Variants in PRKN observed in about 807,000 individuals in gnomAD.
The protein encoded by PRKN is parkin RBR E3 ubiquitin protein ligase, also known as E3 ubiquitin-protein ligase parkin.
A neutral mutation model predicts 59.5 loss-of-function variants in PRKN; 56 were observed. The ratio of observed to expected loss-of-function variants is 0.94; its 90% CI spans 0.76 to 1.18. PRKN has a LOEUF of 1.18. Among genes scored for constraint, PRKN ranks in the 50% most tolerant of loss-of-function variants. The pLI is 0.00. For missense variants in PRKN, 657 were observed against 596.4 expected (o/e 1.10, Z -1.06); for synonymous variants, 250 against 222.1 (o/e 1.13, Z -1.12).
chr6:162,420,627 G>C (rs1278002188), intron 2 of PRKN, among the ~76,000 whole-genome samples: 2 of 152,140 alleles, frequency 1.3e-5, no homozygotes, highest in South Asian at 4.2e-4. Flanking sequence ...ATGTTCTGAG[G>C]AGTAATATGG....
chr6:161,432,815 T>A (rs1365201710), intron 9 of PRKN, among the ~76,000 whole-genome samples: 1 of 152,186 alleles, frequency 6.6e-6, no homozygotes, highest in Admixed American at 6.5e-5. Context: ...TATCAAGAGA[T>A]GCTTTACTGG....
intron 7 of PRKN, among the ~76,000 whole-genome samples, chr6:161,704,518 G>A (rs369348081): frequency 6.6e-6 from 1 of 152,006 alleles, no homozygotes; most frequent in African/African-American, 2.4e-5. Context: ...TCTGGGATTC[G>A]TTTCGTGCCC....
At chr6:162,266,209 C>G (rs993833542) in intron 2 of PRKN, among the ~76,000 whole-genome samples, 3 of 152,048 alleles carry the variant, frequency 2.0e-5, no homozygotes, top group Non-Finnish European at 4.4e-5. Flanking sequence ...AAAAGTAACA[C>G]CTTTCTCCCT....
At chr6:162,211,752 T>C (rs1785206245) in intron 3 of PRKN, among the ~76,000 whole-genome samples, 2 of 152,208 alleles carry the variant, frequency 1.3e-5, no homozygotes, top group South Asian at 4.1e-4. Flanking sequence ...CAAATTTCGA[T>C]GCTTTAAGCA....
intron 1 of PRKN, among the ~76,000 whole-genome samples, chr6:162,461,693 T>C (rs1583612526): frequency 6.6e-6 from 1 of 150,936 alleles, no homozygotes; most frequent in African/African-American, 2.4e-5. Flanking sequence ...TGGTGGTGCG[T>C]TCCTGTAACC....
intron 5 of PRKN, among the ~76,000 whole-genome samples, chr6:161,992,987 C>T (rs1781710595): frequency 6.6e-6 from 1 of 151,968 alleles, no homozygotes; most frequent in Non-Finnish European, 1.5e-5. Flanking sequence ...TAGCAATAAA[C>T]ACCTACATCA....
rs12194727 is a variant in PRKN at position 161,373,807 on chromosome 6, C to T, written c.1167+12987G>A. Among the ~76,000 whole-genome samples the T allele has an allele frequency of 0.17, 26,129 of 152,010 alleles. 2,371 individuals carry two copies. Among genetic ancestry groups the T allele is most frequent in the South Asian group, 0.28 (1,360 of 4,812 alleles). On this transcript the variant is annotated intron_variant, in intron 10 of 11. Coordinates refer to ENST00000366898, the MANE Select transcript of PRKN (RefSeq NM_004562.3). The surrounding 1 kb of genome is among the most constrained non-coding windows in gnomAD (Gnocchi z 4.8). ...AATATTTTGTCCCCCCTGCCAGCCC[C>T]GTTTTTAATGAAGGAATTATGGGGG...
intron 5 of PRKN, among the ~76,000 whole-genome samples, chr6:161,978,005 GTTATTTTATTGTATT>G (rs1423811641): frequency 0.011 from 1,624 of 149,322 alleles, 25 homozygotes; most frequent in African/African-American, 0.033. Context: ...CTAATTTGCA[GTTATTTTATTGTATT>G]TTATTTTATT....
chr6:162,235,515 A>G (rs1378287515), intron 3 of PRKN, among the ~76,000 whole-genome samples: 1 of 152,158 alleles, frequency 6.6e-6, no homozygotes. Context: ...AATTAAAGAA[A>G]TACTCCTCAT....
At chr6:162,319,152 C>A (rs974501612) in intron 2 of PRKN, among the ~76,000 whole-genome samples, 10 of 151,766 alleles carry the variant, frequency 6.6e-5, no homozygotes, top group Admixed American at 1.3e-4. Flanking sequence ...AAATAAGAAA[C>A]AAACATATTT....
intron 1 of PRKN, among the ~76,000 whole-genome samples, chr6:162,721,210 C>T (rs1476030134): frequency 6.6e-6 from 1 of 152,172 alleles, no homozygotes; most frequent in African/African-American, 2.4e-5. Flanking sequence ...TTTATAAACG[C>T]TTGTTCTCCG....
In PRKN at chr6:161,397,572, A is replaced by G. The variant is rs548870779; in HGVS notation, c.1084-10695T>C. Among the ~76,000 whole-genome samples the G allele has an allele frequency of 5.6e-4, 85 of 152,320 alleles. No homozygotes were observed. Among genetic ancestry groups the G allele is most frequent in the South Asian group, 2.1e-3 (10 of 4,826 alleles). The stretch of plus-strand genomic sequence containing the variant: ...TCCTCTTTTAAGATGCACTTTGCCT[A>G]TTGCATATTTCCATTTGGATAGGTT... On this transcript the variant is annotated intron_variant, in intron 9 of 11. Coordinates refer to ENST00000366898, the MANE Select transcript of PRKN (RefSeq NM_004562.3). The surrounding 1 kb of genome is among the most constrained non-coding windows in gnomAD (Gnocchi z 4.2).
intron 9 of PRKN, among the ~76,000 whole-genome samples, chr6:161,534,407 C>T (rs1779335249): frequency 6.6e-6 from 1 of 152,146 alleles, no homozygotes; most frequent in Non-Finnish European, 1.5e-5. Flanking sequence ...ATGCAGGCAT[C>T]GTTGCTGAGG....
chr6:161,394,579 C>T (rs1786664645), intron 9 of PRKN, among the ~76,000 whole-genome samples: 1 of 152,176 alleles, frequency 6.6e-6, no homozygotes, highest in South Asian at 2.1e-4. Flanking sequence ...ACACCAACAT[C>T]TATCATCATG....
At chr6:162,219,974 G>C (rs1213846891) in intron 3 of PRKN, among the ~76,000 whole-genome samples, 1 of 152,098 alleles carries the variant, frequency 6.6e-6, no homozygotes, top group African/African-American at 2.4e-5. Context: ...CCTATAATCT[G>C]TGTATATCCT....
At position 161,551,052 on chromosome 6, in the gene PRKN, G is replaced by C. The variant is rs779989038; in HGVS notation, c.934-2049C>G. ...ACCAGAAAAGAGGTCTAAGAGTTCG[G>C]ATGGCAAACAAACTAGAATCTCTGA... On this transcript the variant is annotated intron_variant, in intron 8 of 11. Coordinates refer to ENST00000366898, the MANE Select transcript of PRKN (RefSeq NM_004562.3). The surrounding 1 kb of genome is among the most constrained non-coding windows in gnomAD (Gnocchi z 5.2). 6.6e-6 allele frequency among the ~76,000 whole-genome samples: 1 copy of C among 152,102 alleles called. No individual in the cohort carries two copies. Among genetic ancestry groups the C allele is most frequent in the Non-Finnish European group, 1.5e-5 (1 of 68,016 alleles).
At chr6:162,356,535 A>AT (rs11432043) in intron 2 of PRKN, among the ~76,000 whole-genome samples, 39,684 of 150,236 alleles carry the variant, frequency 0.26, 5,763 homozygotes, top group African/African-American at 0.38. Flanking sequence ...TATATAATAC[A>AT]TTTTTTTTTG....
At chr6:161,684,777 G>C (rs548155919) in intron 7 of PRKN, among the ~76,000 whole-genome samples, 14 of 148,630 alleles carry the variant, frequency 9.4e-5, no homozygotes, top group Admixed American at 4.6e-4. Flanking sequence ...GTCATAGAAA[G>C]TGCTTTTTTA....
At chr6:161,585,591 A>G (rs1033492571) in intron 7 of PRKN, among the ~76,000 whole-genome samples, 1 of 152,192 alleles carries the variant, frequency 6.6e-6, no homozygotes, top group African/African-American at 2.4e-5. Context: ...ATAGCGTTCA[A>G]ATTGTAGCTC....
Sources: gnomAD v4.1 joint callset for allele counts (sites outside exome capture counted in the v4.1 genomes callset) on GRCh38, gnomAD v4.1.1 for gene constraint, Gnocchi (gnomAD v3.1) non-coding constraint, MANE v1.5 for transcripts, NCBI Gene and HGNC (gene_info 2026-07-23, HGNC 2026-07-21) for gene names.